The following EBF3 variants were observed in gnomAD, a reference collection of about 807,000 sequenced individuals.
The protein encoded by EBF3 is transcription factor COE3.
In EBF3, 18 loss-of-function variants were observed where a neutral mutation model predicts 77.1. The observed-to-expected ratio is 0.23, with a 90% CI of 0.16 to 0.35. EBF3 has a LOEUF of 0.35. Among genes scored for constraint, EBF3 ranks in the 10% least tolerant of loss-of-function variants. EBF3 has a pLI of 1.00. For missense variants in EBF3, 558 were observed against 860.0 expected (o/e 0.65, Z 4.39); for synonymous variants, 350 against 343.5 (o/e 1.02, Z -0.21).
intron 6 of EBF3, among the ~76,000 whole-genome samples, chr10:129,925,310 G>T (rs1473579916): frequency 6.6e-6 from 1 of 151,872 alleles, no homozygotes; most frequent in African/African-American, 2.4e-5. Context: ...CTGGGATTTG[G>T]GCAAGTGGAG....
At chr10:129,914,885 T>A (rs947254867) in intron 6 of EBF3, among the ~76,000 whole-genome samples, 4 of 152,154 alleles carry the variant, frequency 2.6e-5, no homozygotes, top group African/African-American at 9.7e-5. Context: ...CCCTAGGGCA[T>A]CACATCAAGT....
chr10:129,931,440 T>C (rs942594920), intron 6 of EBF3, among the ~76,000 whole-genome samples: 1 of 152,220 alleles, frequency 6.6e-6, no homozygotes, highest in African/African-American at 2.4e-5. Context: ...ATGGCCAAAG[T>C]GGACTCCAGA....
In EBF3 at chr10:129,842,584, C is replaced by CGAAATCCCATCTCTAA. The variant is rs1850153344; in HGVS notation, c.1195-307_1195-292dup. Among the ~76,000 whole-genome samples the CGAAATCCCATCTCTAA allele has an allele frequency of 6.6e-6, 1 of 151,936 alleles. No homozygotes were observed. The highest frequency in any genetic ancestry group is 2.4e-5 in the African/African-American group (1 of 41,352). On this transcript the variant is annotated intron_variant, in intron 12 of 16. Transcript: ENST00000440978. The surrounding 1 kb of genome is among the most constrained non-coding windows in gnomAD (Gnocchi z 4.4). The stretch of plus-strand genomic sequence containing the variant: ...TTCAAGACCAGCCTGGCCAACATGG[C>CGAAATCCCATCTCTAA]GAAATCCCATCTCTAATGAAAATAC...
At chr10:129,912,734 GCC>G (rs1216149070) in intron 6 of EBF3, among the ~76,000 whole-genome samples, 1 of 152,154 alleles carries the variant, frequency 6.6e-6, no homozygotes, top group Admixed American at 6.5e-5. Flanking sequence ...AAATTTCAAG[GCC>G]CCTCTCTTCT....
chr10:129,843,235 G>A (rs751165401), intron 11 of EBF3, 33 bp from the exon 12 acceptor site: 3 of 1,589,904 alleles, frequency 1.9e-6, no homozygotes, highest in East Asian at 4.6e-5. Context: ...GTGATTCATG[G>A]GAGGAACCGG....
In EBF3 at chr10:129,842,637, G is replaced by A. The variant is rs190401611; in HGVS notation, c.1195-344C>T. On this transcript the variant is annotated intron_variant, in intron 12 of 16. Coordinates refer to ENST00000440978, the MANE Select transcript of EBF3 (RefSeq NM_001375380.1). This position sits in a 1 kb window ranked among gnomAD's most constrained non-coding sequence, Gnocchi z 4.4. ...AAATTAGCCGGGTGTGTTGGCAAACGCCTGTAATCCCAGCTACTCGGGAGC... is the reference window on the plus strand; with the variant it reads ...AAATTAGCCGGGTGTGTTGGCAAACACCTGTAATCCCAGCTACTCGGGAGC... Among the ~76,000 whole-genome samples the A allele has an allele frequency of 4.6e-5, 7 of 152,008 alleles. No homozygotes were observed. The highest frequency in any genetic ancestry group is 2.6e-4 in the Admixed American group (4 of 15,276).
intron 10 of EBF3, among the ~76,000 whole-genome samples, chr10:129,860,020 C>T (rs1851508708): frequency 6.6e-6 from 1 of 152,170 alleles, no homozygotes; most frequent in African/African-American, 2.4e-5. Flanking sequence ...AGAGTTTAAC[C>T]TGTGGGAGTT....
intron 6 of EBF3, among the ~76,000 whole-genome samples, chr10:129,925,447 C>G (rs570521774): frequency 1.3e-4 from 19 of 151,880 alleles, no homozygotes; most frequent in Admixed American, 7.9e-4. Context: ...AAAAAATTAG[C>G]AAGGCGTGGT....
At chr10:129,859,562 A>G (rs897995844) in intron 10 of EBF3, among the ~76,000 whole-genome samples, 3 of 152,230 alleles carry the variant, frequency 2.0e-5, no homozygotes, top group African/African-American at 7.2e-5. Context: ...AAAAGGCCCA[A>G]CTGATTGAAA....
Position 129,843,125 on chromosome 10 carries a change from C to A in EBF3, c.1194+12G>T. ...GGGGGAGGATGGGCGAGGGGAGCCG[C>A]CCTCCACCTACCTGGTTGTTGTGAG... On this transcript the variant is annotated intron_variant, in intron 12 of 16. Transcript: ENST00000440978. 2 of 1,612,148 alleles carry A rather than the reference C, an allele frequency of 1.2e-6. No homozygotes were observed. Among genetic ancestry groups the A allele is most frequent in the Admixed American group, 3.3e-5 (2 of 59,872 alleles).
chr10:129,840,985 G>A lies in EBF3; in HGVS notation c.1420C>T (p.Pro474Ser), dbSNP rs755160972. ...TTGGACTGCTGGGGAGTACTGCTGG[G>A]GACGTAGCCTCGCGGGGACACGCTG... is the stretch of plus-strand genomic sequence containing the variant. ...TSSVSPRGYVPSSTPQQSNYN... is the reference protein window; with the variant it reads ...TSSVSPRGYVSSSTPQQSNYN... The change falls in exon 14 of 17, where the codon CCC (proline) becomes TCC (serine). Residue 474 changes from proline to serine, a missense_variant. Transcript: ENST00000440978. 2.4e-5 allele frequency: 39 copies of A among 1,613,778 alleles called. No individual in the cohort carries two copies. The highest frequency in any genetic ancestry group is 3.3e-5 in the Non-Finnish European group (39 of 1,179,938).
At chr10:129,855,086 C>T (rs1219034046) in intron 10 of EBF3, among the ~76,000 whole-genome samples, 1 of 152,242 alleles carries the variant, frequency 6.6e-6, no homozygotes, top group Non-Finnish European at 1.5e-5. Context: ...CCCTGGGTTT[C>T]ACACCAGTGA....
chr10:129,883,820 G>A (rs756036168), intron 6 of EBF3, among the ~76,000 whole-genome samples: 2 of 152,166 alleles, frequency 1.3e-5, no homozygotes, highest in Non-Finnish European at 2.9e-5. Flanking sequence ...GGGGTAACGG[G>A]GACATTTGGA....
chr10:129,858,232 C>T (rs1019240385), intron 10 of EBF3, among the ~76,000 whole-genome samples: 2 of 152,206 alleles, frequency 1.3e-5, no homozygotes, highest in South Asian at 2.1e-4. Context: ...GCCGGTGACA[C>T]GTTTCTCTCC....
rs540742208 is a variant in EBF3 at position 129,848,074 on chromosome 10, C to T, written c.1128+318G>A. On this transcript the variant is annotated intron_variant, in intron 11 of 16. Coordinates refer to ENST00000440978, the MANE Select transcript of EBF3 (RefSeq NM_001375380.1). The surrounding 1 kb of genome is among the most constrained non-coding windows in gnomAD (Gnocchi z 4.4). ...AATGTTTAATTGAACTATTTCATTA[C>T]GCGGAAGTTTATGTCCCCCTCACAG... 2.6e-5 allele frequency among the ~76,000 whole-genome samples: 4 copies of T among 152,206 alleles called. No individual in the cohort carries two copies. The highest frequency in any genetic ancestry group is 5.9e-5 in the Non-Finnish European group (4 of 68,050).
In EBF3 at chr10:129,840,255, A is replaced by C. The variant is rs771038634; in HGVS notation, c.1749T>G (p.Asn583Lys). ...CCGCACCACCCTCACCTTGCAGTCC[A>C]TTCCCGTTGGCGCTGGTGCAGGAAG... The part of the protein sequence containing the change: ...PPPSCTSANG[N>K]GLQGSLLGAE... The change falls in exon 15 of 17, where the codon AAT (asparagine) becomes AAG (lysine). Residue 583 changes from asparagine (N) to lysine (K), a missense_variant. By Grantham distance (94) the Asn-to-Lys change is moderately conservative. Around this residue, in one of 5 missense-constraint regions of EBF3, gnomAD observed 284 missense variants for 368.3 expected, o/e 0.77. Transcript: ENST00000440978. 5 of 1,559,108 alleles carry C rather than the reference A, an allele frequency of 3.2e-6. No individual in the cohort carries two copies. The highest frequency in any genetic ancestry group is 4.3e-6 in the Non-Finnish European group (5 of 1,150,724).
In EBF3 at chr10:129,877,822, G is replaced by A. The variant is rs377536420; in HGVS notation, c.582C>T (p.Cys194=). Residue 194 remains cysteine, a synonymous_variant, in exon 7 of 17, where the codon TGC becomes TGT. Transcript: ENST00000440978. ...DRFFLKFFLK[C]NQNCLKNAGN... is the part of the protein sequence containing the mutation. Reference sequence around the variant, plus strand: ...CTGCATTCTTCAAACAGTTCTGATTGCACTTGAGGAAAAACTTTAGAAAGA... The same window carrying A: ...CTGCATTCTTCAAACAGTTCTGATTACACTTGAGGAAAAACTTTAGAAAGA... 6.2e-6 allele frequency: 10 copies of A among 1,612,812 alleles called. No individual in the cohort carries two copies. Among genetic ancestry groups the A allele is most frequent in the Non-Finnish European group, 7.6e-6 (9 of 1,179,512 alleles).
At position 129,842,355 on chromosome 10, in the gene EBF3, C is replaced by G. The variant is rs940488844; in HGVS notation, c.1195-62G>C. 6.6e-7 allele frequency: 1 copy of G among 1,514,180 alleles called. No homozygotes were observed. Among genetic ancestry groups the G allele is most frequent in the Non-Finnish European group, 8.8e-7 (1 of 1,134,188 alleles). 93.8% of individuals were successfully genotyped at this position (1,514,180 alleles called of 1,614,324 possible). Reference sequence around the variant, plus strand: ...CAGGCCCGGCCCAGCTGGCCGCACTCTCGGGGGCCCACCATGGTGGCATCC... The same window carrying G: ...CAGGCCCGGCCCAGCTGGCCGCACTGTCGGGGGCCCACCATGGTGGCATCC... On this transcript the variant is annotated intron_variant, in intron 12 of 16. Transcript: ENST00000440978. The surrounding 1 kb of genome is among the most constrained non-coding windows in gnomAD (Gnocchi z 4.4).
At chr10:129,884,925 A>G (rs150049578) in intron 6 of EBF3, among the ~76,000 whole-genome samples, 28 of 152,238 alleles carry the variant, frequency 1.8e-4, no homozygotes, top group African/African-American at 6.5e-4. Flanking sequence ...CGCATTAACA[A>G]TATTTGTACT....
Sources: allele counts gnomAD v4.1 joint callset (sites outside exome capture counted in the v4.1 genomes callset), GRCh38; gene constraint gnomAD v4.1.1; regional missense constraint gnomAD v4.1.1; non-coding constraint Gnocchi (gnomAD v3.1); transcripts MANE v1.5; gene names NCBI Gene and HGNC (gene_info 2026-07-23, HGNC 2026-07-21).